DROSHA: variants seen among roughly 807,000 people sequenced by gnomAD.
DROSHA encodes the protein ribonuclease 3.
A neutral mutation model predicts 181.9 loss-of-function variants in DROSHA; 56 were observed. That is an observed-to-expected ratio of 0.31 (90% CI 0.25 to 0.38). The LOEUF (loss-of-function observed/expected upper bound fraction) is 0.38. Among genes scored for constraint, DROSHA ranks in the 10% least tolerant of loss-of-function variants. The pLI is 1.00. For missense variants in DROSHA, 1,218 were observed against 1,743.5 expected (o/e 0.70, Z 5.37); for synonymous variants, 524 against 591.2 (o/e 0.89, Z 1.65).
In DROSHA at chr5:31,451,634, T is replaced by C. The variant is rs1378841392; in HGVS notation, c.2581A>G (p.Met861Val). 3 of 1,608,302 alleles carry C rather than the reference T, an allele frequency of 1.9e-6. No homozygotes were observed. Among genetic ancestry groups the C allele is most frequent in the Non-Finnish European group, 2.5e-6 (3 of 1,177,270 alleles). Residue 861 changes from methionine to valine, a missense_variant, in exon 21 of 36, where the codon ATG becomes GTG. Around this residue, in one of 8 missense-constraint regions of DROSHA, gnomAD observed 460 missense variants for 774.2 expected, o/e 0.59. Coordinates refer to ENST00000344624, the MANE Select transcript of DROSHA (RefSeq NM_001382508.1). The part of the protein sequence containing the change: ...GIRSDVCQHA[M>V]MLPVLTHHIR... ...TGATGGGTCAGAACAGGTAGCATCA[T>C]TGCATGCTAGGAAAAAAAAAATTCA...
At chr5:31,432,446 A>G (rs1362278014) in intron 25 of DROSHA, among the ~76,000 whole-genome samples, 3 of 152,106 alleles carry the variant, frequency 2.0e-5, no homozygotes, top group African/African-American at 7.2e-5. Context: ...ATAGATTTTT[A>G]TGTGGTAGAG....
At chr5:31,487,050 A>C (rs1344916783) in intron 13 of DROSHA, among the ~76,000 whole-genome samples, 1 of 152,196 alleles carries the variant, frequency 6.6e-6, no homozygotes, top group African/African-American at 2.4e-5. Context: ...GGTAATAAAT[A>C]TAATAATAAC....
intron 20 of DROSHA, among the ~76,000 whole-genome samples, chr5:31,455,816 AT>A (rs1247921442): frequency 6.6e-6 from 1 of 151,704 alleles, no homozygotes; most frequent in East Asian, 1.9e-4. Context: ...AATTTTTTGT[AT>A]TTTTTGTAGA....
chr5:31,482,710 A>G (rs76137497), intron 16 of DROSHA, among the ~76,000 whole-genome samples: 3,193 of 152,242 alleles, frequency 0.021, 55 homozygotes, highest in Non-Finnish European at 0.033. Flanking sequence ...AAAGCAGGTA[A>G]TTGACTAGGA....
At chr5:31,471,080 T>A (rs929529003) in intron 17 of DROSHA, among the ~76,000 whole-genome samples, 5 of 152,240 alleles carry the variant, frequency 3.3e-5, no homozygotes, top group Non-Finnish European at 7.3e-5. Flanking sequence ...TTTAAACATA[T>A]TTTTATTAAA....
intron 16 of DROSHA, among the ~76,000 whole-genome samples, chr5:31,480,203 T>TAC (rs1554037579): frequency 1.2e-4 from 17 of 140,204 alleles, no homozygotes; most frequent in Non-Finnish European, 1.9e-4. Flanking sequence ...TATATATATA[T>TAC]ACTGAAAATA....
intron 35 of DROSHA, among the ~76,000 whole-genome samples, chr5:31,404,435 A>G (rs1462060077): frequency 1.3e-5 from 2 of 152,170 alleles, no homozygotes; most frequent in Non-Finnish European, 2.9e-5. Flanking sequence ...GCCCCTGAAC[A>G]GGAAACTTTG....
At chr5:31,421,050 A>G (rs1742599893) in intron 30 of DROSHA, among the ~76,000 whole-genome samples, 1 of 152,240 alleles carries the variant, frequency 6.6e-6, no homozygotes, top group Non-Finnish European at 1.5e-5. Context: ...GCCTAGCTCA[A>G]TATTTTGCAC....
At chr5:31,455,862 G>A (rs1309765643) in intron 20 of DROSHA, among the ~76,000 whole-genome samples, 14 of 151,924 alleles carry the variant, frequency 9.2e-5, no homozygotes, top group African/African-American at 2.9e-4. Flanking sequence ...GGCTGGTCTC[G>A]AACTCCTGAG....
chr5:31,526,397 G>A lies in DROSHA; in HGVS notation c.536C>T (p.Pro179Leu). Residue 179 changes from proline (P) to leucine (L), a missense_variant, in exon 5 of 36, where the codon CCT (proline) becomes CTT (leucine). Pro to Leu is a moderately conservative substitution (Grantham distance 98). Coordinates refer to ENST00000344624, the MANE Select transcript of DROSHA (RefSeq NM_001382508.1). ...PPGYSHHNFP[P>L]PSFNSFQNNP... ...GTTCTGGAAACTATTAAAACTGGGAGGTGGGAAGTTGTGGTGAGAATAGCC... is the reference window on the plus strand; with the variant it reads ...GTTCTGGAAACTATTAAAACTGGGAAGTGGGAAGTTGTGGTGAGAATAGCC... The A allele has an allele frequency of 6.2e-7, 1 of 1,613,698 alleles. No individual in the cohort carries two copies. Among genetic ancestry groups the A allele is most frequent in the Non-Finnish European group, 8.5e-7 (1 of 1,179,848 alleles).
At chr5:31,507,503 A>G (rs1738129954) in intron 10 of DROSHA, among the ~76,000 whole-genome samples, 1 of 150,940 alleles carries the variant, frequency 6.6e-6, no homozygotes. Flanking sequence ...ACGCCCCTAT[A>G]GTCCTAGATA....
chr5:31,513,850 T>C (rs899624708), intron 8 of DROSHA, among the ~76,000 whole-genome samples: 6 of 152,114 alleles, frequency 3.9e-5, no homozygotes, highest in Non-Finnish European at 7.3e-5. Context: ...CATTACAACA[T>C]GCCTACTCTG....
chr5:31,494,078 C>T (rs143115597), intron 12 of DROSHA, among the ~76,000 whole-genome samples: 200 of 151,988 alleles, frequency 1.3e-3, no homozygotes, highest in African/African-American at 4.6e-3. Flanking sequence ...CAACAATTAT[C>T]GTGCCTCAGC....
chr5:31,450,108 A>T (rs1286459045), intron 21 of DROSHA, among the ~76,000 whole-genome samples: 1 of 152,256 alleles, frequency 6.6e-6, no homozygotes, highest in Non-Finnish European at 1.5e-5. Context: ...TTAAAACCAC[A>T]AGGAGATACC....
intron 20 of DROSHA, among the ~76,000 whole-genome samples, chr5:31,459,934 C>A (rs1435028809): frequency 2.0e-5 from 3 of 152,154 alleles, no homozygotes; most frequent in Admixed American, 6.5e-5. Context: ...CCGCATTTGG[C>A]ATGAGTCTCC....
At chr5:31,500,016 A>G (rs1373423364) in intron 11 of DROSHA, among the ~76,000 whole-genome samples, 2 of 152,194 alleles carry the variant, frequency 1.3e-5, no homozygotes, top group Non-Finnish European at 2.9e-5. Context: ...GAAACCTGAA[A>G]TGGGGACATT....
intron 12 of DROSHA, among the ~76,000 whole-genome samples, chr5:31,494,596 G>A (rs1277758531): frequency 6.6e-6 from 1 of 151,770 alleles, no homozygotes; most frequent in East Asian, 1.9e-4. Context: ...ATTCAGCCTG[G>A]GCAACAAAGT....
At chr5:31,464,733 C>T (rs990548677) in intron 19 of DROSHA, among the ~76,000 whole-genome samples, 1 of 151,656 alleles carries the variant, frequency 6.6e-6, no homozygotes, top group East Asian at 1.9e-4. Context: ...AACCTGCGAC[C>T]CACATAATTC....
In DROSHA at chr5:31,488,553, A is replaced by G. The variant is rs545128140; in HGVS notation, c.1843-1991T>C. ...GAAGTAGTAATTTCACAGTTCAGATAGAAGTGCGTGGAGAGAGAGAGATGC... is the reference window on the plus strand; with the variant it reads ...GAAGTAGTAATTTCACAGTTCAGATGGAAGTGCGTGGAGAGAGAGAGATGC... On this transcript the variant is annotated intron_variant, in intron 13 of 35. Coordinates refer to ENST00000344624, the MANE Select transcript of DROSHA (RefSeq NM_001382508.1). Among the ~76,000 whole-genome samples the G allele has an allele frequency of 1.2e-4, 18 of 152,316 alleles. No homozygotes were observed. The South Asian group carries it at 3.5e-3, about 30-fold the overall frequency.
Sources: allele counts gnomAD v4.1 joint callset (sites outside exome capture counted in the v4.1 genomes callset), GRCh38; gene constraint gnomAD v4.1.1; regional missense constraint gnomAD v4.1.1; transcripts MANE v1.5; gene names NCBI Gene and HGNC (gene_info 2026-07-23, HGNC 2026-07-21).